SURF2: variants seen among roughly 807,000 people sequenced by gnomAD.
The protein encoded by SURF2 is surfeit locus protein 2.
Under a neutral mutation model 26.2 loss-of-function variants are expected in SURF2, and 32 were observed. The ratio of observed to expected loss-of-function variants is 1.22; its 90% CI spans 0.92 to 1.64. The LOEUF (loss-of-function observed/expected upper bound fraction) is 1.64, where lower values mean the gene tolerates loss of function less well. Among genes scored for constraint, SURF2 ranks in the 40% most tolerant of loss-of-function variants. The probability of loss-of-function intolerance (pLI) is 0.00; values close to 1 mark genes in which losing one functional copy is unlikely to be tolerated. For missense variants in SURF2, 415 were observed against 341.6 expected (o/e 1.21, Z -1.69); for synonymous variants, 173 against 139.1 (o/e 1.24, Z -1.71).
intron 3 of SURF2, among the ~76,000 whole-genome samples, chr9:133,358,586 C>G (rs2130040195): frequency 6.6e-6 from 1 of 152,108 alleles, no homozygotes; most frequent in Non-Finnish European, 1.5e-5. Context: ...GGGAGAGAGG[C>G]CTGGTCCTGA....
Position 133,360,928 on chromosome 9 carries a change from G to A in SURF2, c.688-128G>A, listed in dbSNP as rs1274691093. 7 of 948,374 alleles carry A rather than the reference G, an allele frequency of 7.4e-6. No individual in the cohort carries two copies. In the East Asian group the frequency reaches 1.7e-4, roughly 23 times the overall value. The allele number at this position is 948,374 out of a possible 1,614,324, so 58.7% of individuals were successfully genotyped here. A position where few individuals can be genotyped will look rare whatever the true frequency, so the allele number is the denominator to read the frequency against. On this transcript the variant is annotated intron_variant, in intron 5 of 5. Coordinates refer to ENST00000371964, the MANE Select transcript of SURF2 (RefSeq NM_017503.5). The stretch of plus-strand genomic sequence containing the variant: ...TGCAGCTGTTAAGGAAACGGGGGTG[G>A]AGAAAGCCTCTGTGGGTATTTGACC...
chr9:133,358,737 A>G (rs1836674769), intron 3 of SURF2, among the ~76,000 whole-genome samples: 1 of 152,146 alleles, frequency 6.6e-6, no homozygotes, highest in East Asian at 1.9e-4. Flanking sequence ...GCTAGAGTGG[A>G]GCGTAGGCTG....
intron 3 of SURF2, among the ~76,000 whole-genome samples, chr9:133,358,415 G>A (rs1201107282): frequency 6.6e-6 from 1 of 152,164 alleles, no homozygotes. Context: ...TGGGTTTTGG[G>A]GGGAGAATTC....
At chr9:133,359,228 CTGG>C (rs1836686089) in intron 3 of SURF2, among the ~76,000 whole-genome samples, 1 of 152,166 alleles carries the variant, frequency 6.6e-6, no homozygotes, top group Non-Finnish European at 1.5e-5. Context: ...CCTTCACGTT[CTGG>C]TGGTGACAAG....
In SURF2 at chr9:133,360,459, T is replaced by C. The variant is rs2130052212; in HGVS notation, c.687+25T>C. On this transcript the variant is annotated intron_variant, in intron 5 of 5. Coordinates refer to ENST00000371964, the MANE Select transcript of SURF2 (RefSeq NM_017503.5). ...GGTGAGCTGTCACCTCCTCTGTTAG[T>C]GTGGCAGTGGCTTCCCCTAGTGATG... 10 of 1,573,488 alleles carry C rather than the reference T, an allele frequency of 6.4e-6. No homozygotes were observed. The East Asian group carries it at 6.8e-5, about 11-fold the overall frequency.
chr9:133,360,503 A>G, intron 5 of SURF2, 69 bp downstream of exon 5: 1 of 1,450,636 alleles, frequency 6.9e-7, no homozygotes, highest in Non-Finnish European at 9.1e-7. Flanking sequence ...TTTGTTTAAA[A>G]AAAGAAAACT....
rs1186754961 is a variant in SURF2, at chr9:133,356,902, A to G, written c.79-12A>G. ...GGCCCTCCTGACGTCCTGCCCGCCC[A>G]CGCGTCCGCAGGTGAGGTGCATCCT... On this transcript the variant is annotated splice_polypyrimidine_tract_variant and intron_variant, in intron 1 of 5. Coordinates refer to ENST00000371964, the MANE Select transcript of SURF2 (RefSeq NM_017503.5). 3 of 1,542,792 alleles carry G rather than the reference A, an allele frequency of 1.9e-6. No individual in the cohort carries two copies. The highest frequency in any genetic ancestry group is 1.2e-5 in the South Asian group (1 of 83,406).
Position 133,357,669 on chromosome 9 carries a change from G to T in SURF2, c.234-42G>T, listed in dbSNP as rs1321630481. On this transcript the variant is annotated intron_variant, in intron 2 of 5. Coordinates refer to ENST00000371964, the MANE Select transcript of SURF2 (RefSeq NM_017503.5). ...GACACAGCCACCAGTCTGAATCCTT[G>T]CTGTGAACTGTCCCTACAAATTTGG... is the stretch of plus-strand genomic sequence containing the variant. 2.5e-6 allele frequency: 4 copies of T among 1,588,168 alleles called. No individual in the cohort carries two copies. The East Asian group carries it at 8.9e-5, about 35-fold the overall frequency.
chr9:133,360,974 G>T, intron 5 of SURF2, 82 bp from the exon 6 acceptor site: 2 of 1,426,534 alleles, frequency 1.4e-6, no homozygotes, highest in Non-Finnish European at 2.0e-6. Flanking sequence ...AGGCTGTGTG[G>T]GTGGGGAGAG....
At position 133,360,383 on chromosome 9, in the gene SURF2, G is replaced by GA. The variant is rs1836733082; in HGVS notation, c.636_637insA (p.Gly213ArgfsTer41). 3.1e-6 allele frequency: 5 copies of GA among 1,613,494 alleles called. No individual in the cohort carries two copies. The Admixed American group carries it at 8.3e-5, about 27-fold the overall frequency. ...CCCCAAGAGAGAAGGCCACTGATGA[G>GA]GGCAGGAGAGAGACGACCGTGTACC... On this transcript the variant is annotated frameshift_variant, in exon 5 of 6. Coordinates refer to ENST00000371964, the MANE Select transcript of SURF2 (RefSeq NM_017503.5). LOFTEE classifies it low-confidence loss of function (END_TRUNC).
At chr9:133,360,534 A>G (rs1836740415) in intron 5 of SURF2, 100 bp downstream of exon 5, 1 of 1,364,382 alleles carries the variant, frequency 7.3e-7, no homozygotes. Flanking sequence ...CACAAGTGAA[A>G]TCCCAAGCCA....
rs2130051333 is a variant in SURF2, at chr9:133,360,407, C to T, written c.660C>T (p.Tyr220=). The change falls in exon 5 of 6, where the codon TAC becomes TAT. Residue 220 remains tyrosine, a synonymous_variant. Coordinates refer to ENST00000371964, the MANE Select transcript of SURF2 (RefSeq NM_017503.5). ...TDEGRRETTV[Y]RGLVQKRGKK... ...AGGGCAGGAGAGAGACGACCGTGTA[C>T]CGAGGGCTGGTCCAGAAGCGCGGGA... 28 of 1,611,908 alleles carry T rather than the reference C, an allele frequency of 1.7e-5. No individual in the cohort carries two copies. The African/African-American group carries it at 3.3e-4, about 19-fold the overall frequency.
chr9:133,361,048 TCCC>T lies in SURF2; in HGVS notation c.688-7_688-5del, dbSNP rs1836764759. On this transcript the variant is annotated splice_polypyrimidine_tract_variant and splice_region_variant and intron_variant, in intron 5 of 5. Coordinates refer to ENST00000371964, the MANE Select transcript of SURF2 (RefSeq NM_017503.5). ...GGCTCAGTAATCAGAATTTTGTTTA[TCCC>T]ACAGAAGCAGTTGGGCTCGTTGAAA... is the stretch of plus-strand genomic sequence containing the variant. The T allele has an allele frequency of 2.5e-6, 4 of 1,613,904 alleles. No homozygotes were observed. The Admixed American group carries it at 5.0e-5, about 20-fold the overall frequency.
Position 133,360,388 on chromosome 9 carries a change from GGAGA to G in SURF2, c.646_649del (p.Glu216ArgfsTer19). The G allele has an allele frequency of 6.2e-7, 1 of 1,613,236 alleles. No homozygotes were observed. The highest frequency in any genetic ancestry group is 1.3e-5 in the African/African-American group (1 of 75,062). On this transcript the variant is annotated frameshift_variant, in exon 5 of 6. Transcript: ENST00000371964. LOFTEE classifies it low-confidence loss of function (END_TRUNC). ...AGAGAGAAGGCCACTGATGAGGGCA[GGAGA>G]GAGACGACCGTGTACCGAGGGCTGG...
intron 5 of SURF2, 133 bp downstream of exon 5, chr9:133,360,567 G>A: frequency 4.2e-6 from 5 of 1,186,336 alleles, no homozygotes; most frequent in Non-Finnish European, 5.7e-6. Flanking sequence ...AACCATAGAA[G>A]CCGAGGCCGC....
Position 133,357,808 on chromosome 9 carries a change from T to A in SURF2, c.331T>A (p.Cys111Ser). 1 of 1,613,268 alleles carries A rather than the reference T, an allele frequency of 6.2e-7. No homozygotes were observed. The highest frequency in any genetic ancestry group is 8.5e-7 in the Non-Finnish European group (1 of 1,179,964). The change falls in exon 3 of 6, where the codon TGT (cysteine) becomes AGT (serine). Residue 111 changes from cysteine to serine, a missense_variant. Transcript: ENST00000371964. ...GGGCCGGCGGTACCAGCGAGCTCTG[T>A]GTAAATGTAAGTCCCAGTGGACCCC... ...TQGRRYQRAL[C>S]KYEECQKQGV...
intron 1 of SURF2, 119 bp from the exon 2 acceptor site, chr9:133,356,795 G>C: frequency 2.1e-6 from 3 of 1,422,754 alleles, no homozygotes; most frequent in Middle Eastern, 2.5e-4. Flanking sequence ...AGAGAGGGGA[G>C]GGCAGGGGAG....
In SURF2 at chr9:133,357,842, C is replaced by T. The variant is rs2130037309; in HGVS notation, c.337+28C>T. 6.3e-5 allele frequency: 101 copies of T among 1,605,454 alleles called. No individual in the cohort carries two copies. In the African/African-American group the frequency reaches 1.2e-3, roughly 19 times the overall value. On this transcript the variant is annotated intron_variant, in intron 3 of 5. Transcript: ENST00000371964. ...AAGTCCCAGTGGACCCCCATCAGTG[C>T]ATCGCCATCTGAGTGCATGCCCGCC...
In SURF2 at chr9:133,357,728, A is replaced by G. The variant is rs138746614; in HGVS notation, c.251A>G (p.Lys84Arg). ...CTCTGTAGGCACCAGTTGTTCTGCA[A>G]ACTCACCCTGCGGCACATCAACAAG... ...STKNPHQLFCKLTLRHINKCP... is the reference protein window; with the variant it reads ...STKNPHQLFCRLTLRHINKCP... The change falls in exon 3 of 6, where the codon AAA (lysine) becomes AGA (arginine). Residue 84 changes from lysine (K) to arginine (R), a missense_variant. Coordinates refer to ENST00000371964, the MANE Select transcript of SURF2 (RefSeq NM_017503.5). The G allele has an allele frequency of 3.7e-5, 59 of 1,613,658 alleles. No individual in the cohort carries two copies. In the African/African-American group the frequency reaches 5.5e-4, roughly 15 times the overall value.
Sources: allele counts gnomAD v4.1 joint callset (sites outside exome capture counted in the v4.1 genomes callset), GRCh38; gene constraint gnomAD v4.1.1; transcripts MANE v1.5; gene names NCBI Gene and HGNC (gene_info 2026-07-23, HGNC 2026-07-21).